Variants in ZMAT4 observed in about 807,000 individuals in gnomAD.
ZMAT4 encodes zinc finger matrin-type protein 4.
ZMAT4 carries 17 observed loss-of-function variants against 28.7 expected under a neutral mutation model. The ratio of observed to expected loss-of-function variants is 0.59; its 90% confidence interval spans 0.41 to 0.89. The LOEUF (loss-of-function observed/expected upper bound fraction) is 0.89, where lower values mean the gene tolerates loss of function less well. Among genes scored for constraint, ZMAT4 ranks in the 40% least tolerant of loss-of-function variants. The pLI, the probability that ZMAT4 is intolerant of heterozygous loss-of-function variation, is 0.00. For synonymous variants in ZMAT4, 117 were observed against 109.2 expected (o/e 1.07, Z -0.44); for missense variants, 240 against 283.8 (o/e 0.85, Z 1.11).
At chr8:40,763,453 T>C (rs1397804773) in intron 3 of ZMAT4, among the ~76,000 whole-genome samples, 1 of 152,142 alleles carries the variant, frequency 6.6e-6, no homozygotes, top group Non-Finnish European at 1.5e-5. Context: ...GAAAGATCAC[T>C]CATATATATA....
chr8:40,583,918 GA>G (rs957974111), intron 5 of ZMAT4, among the ~76,000 whole-genome samples: 2 of 152,136 alleles, frequency 1.3e-5, no homozygotes, highest in African/African-American at 4.8e-5. Context: ...TAGGGTAGAG[GA>G]AACAATCATA....
chr8:40,567,611 A>T (rs1244174521), intron 6 of ZMAT4, among the ~76,000 whole-genome samples: 1 of 151,830 alleles, frequency 6.6e-6, no homozygotes, highest in African/African-American at 2.4e-5. Context: ...AGGCAGGGGA[A>T]TCACTTGAAC....
chr8:40,864,488 A>C (rs1300741220), intron 1 of ZMAT4, among the ~76,000 whole-genome samples: 1 of 152,200 alleles, frequency 6.6e-6, no homozygotes, highest in African/African-American at 2.4e-5. Flanking sequence ...TAGGTGGGAA[A>C]AGATGATTCT....
chr8:40,881,437 A>AGAAAGAAAGAAAGAG (rs1563263259), intron 1 of ZMAT4, among the ~76,000 whole-genome samples: 4 of 50,062 alleles, frequency 8.0e-5, no homozygotes, highest in African/African-American at 3.1e-4. Context: ...GAAAGAGAGA[A>AGAAAGAAAGAAAGAG]AGAAAGAAAG....
intron 5 of ZMAT4, among the ~76,000 whole-genome samples, chr8:40,584,693 A>G (rs946866550): frequency 2.0e-5 from 3 of 152,018 alleles, no homozygotes; most frequent in African/African-American, 7.2e-5. Context: ...AGTGCGAGTG[A>G]CATGATGTCA....
intron 5 of ZMAT4, among the ~76,000 whole-genome samples, chr8:40,603,322 C>T (rs1206960829): frequency 1.3e-5 from 2 of 152,016 alleles, no homozygotes; most frequent in Admixed American, 1.3e-4. Flanking sequence ...TTTTGGTGAC[C>T]ATAGTCTTAT....
At chr8:40,876,894 T>A (rs1186500024) in intron 1 of ZMAT4, among the ~76,000 whole-genome samples, 2 of 152,162 alleles carry the variant, frequency 1.3e-5, no homozygotes, top group Non-Finnish European at 2.9e-5. Flanking sequence ...TTAAGGAAAG[T>A]TATTCCCAGA....
At chr8:40,685,062 T>G (rs987427913) in intron 4 of ZMAT4, among the ~76,000 whole-genome samples, 1 of 152,196 alleles carries the variant, frequency 6.6e-6, no homozygotes, top group Non-Finnish European at 1.5e-5. Context: ...ATGCATATAT[T>G]TTGCATGTAT....
chr8:40,827,698 G>A (rs1816119256), intron 1 of ZMAT4, among the ~76,000 whole-genome samples: 1 of 152,178 alleles, frequency 6.6e-6, no homozygotes, highest in Admixed American at 6.5e-5. Context: ...GTGTCTCATG[G>A]TTGATATGGG....
chr8:40,897,507 G>A (rs1818918219), intron 1 of ZMAT4, among the ~76,000 whole-genome samples, 176 bp downstream of exon 1: 1 of 152,224 alleles, frequency 6.6e-6, no homozygotes, highest in Admixed American at 6.5e-5. Flanking sequence ...TGCCAGCGCA[G>A]AAGTTTCCCA....
chr8:40,747,197 G>A (rs183459131), intron 3 of ZMAT4, among the ~76,000 whole-genome samples: 10 of 152,320 alleles, frequency 6.6e-5, no homozygotes, highest in Non-Finnish European at 1.3e-4. Flanking sequence ...CCACTGATCC[G>A]TTTGGTTTAT....
intron 2 of ZMAT4, among the ~76,000 whole-genome samples, chr8:40,813,936 G>A (rs1314199377): frequency 1.3e-5 from 2 of 152,118 alleles, no homozygotes; most frequent in Non-Finnish European, 2.9e-5. Context: ...AACTTTAAAA[G>A]GACTCTAAAA....
chr8:40,608,752 C>T (rs977272129), intron 5 of ZMAT4, among the ~76,000 whole-genome samples: 2 of 152,178 alleles, frequency 1.3e-5, no homozygotes, highest in African/African-American at 2.4e-5. Flanking sequence ...GTGCCCACAG[C>T]GTTCTTTCTG....
At chr8:40,755,312 A>G (rs1030801811) in intron 3 of ZMAT4, among the ~76,000 whole-genome samples, 5 of 152,186 alleles carry the variant, frequency 3.3e-5, no homozygotes, top group Non-Finnish European at 5.9e-5. Context: ...TAAATATCTT[A>G]GGCCTTCTGG....
rs184942038 is a variant in ZMAT4, at chr8:40,632,268, A to C, written c.577+42436T>G. Among the ~76,000 whole-genome samples the C allele has an allele frequency of 1.8e-4, 27 of 152,366 alleles. No individual in the cohort carries two copies. In the East Asian group the frequency reaches 5.2e-3, roughly 29 times the overall value. Reference sequence around the variant, plus strand: ...TAGAACTTTTTCAGGAGCAAAGGGCAAGAAAATGTTTTTAAAAAGGGGAAT... The same window carrying C: ...TAGAACTTTTTCAGGAGCAAAGGGCCAGAAAATGTTTTTAAAAAGGGGAAT... On this transcript the variant is annotated intron_variant, in intron 5 of 6. Transcript: ENST00000297737.
chr8:40,880,237 C>T (rs1818174262), intron 1 of ZMAT4, among the ~76,000 whole-genome samples: 1 of 151,776 alleles, frequency 6.6e-6, no homozygotes, highest in Non-Finnish European at 1.5e-5. Flanking sequence ...AGCGTCGTGG[C>T]ACATGCCTGT....
At chr8:40,741,363 C>T (rs181652532) in intron 3 of ZMAT4, among the ~76,000 whole-genome samples, 8 of 151,212 alleles carry the variant, frequency 5.3e-5, no homozygotes, top group African/African-American at 1.9e-4. Context: ...AGGAGAATCG[C>T]TTGAACCTAG....
chr8:40,820,211 T>C (rs1234132041), intron 2 of ZMAT4, among the ~76,000 whole-genome samples: 1 of 151,654 alleles, frequency 6.6e-6, no homozygotes, highest in African/African-American at 2.4e-5. Flanking sequence ...TGTGTGTTTA[T>C]GTGTGCATTT....
intron 3 of ZMAT4, among the ~76,000 whole-genome samples, chr8:40,697,758 A>T (rs1456280790): frequency 7.8e-6 from 1 of 127,722 alleles, no homozygotes; most frequent in Non-Finnish European, 1.6e-5. Context: ...TTTCTTCATG[A>T]TAATCATCAT....
Sources: gnomAD v4.1 joint callset for allele counts (sites outside exome capture counted in the v4.1 genomes callset) on GRCh38, gnomAD v4.1.1 for gene constraint, MANE v1.5 for transcripts, NCBI Gene and HGNC (gene_info 2026-07-23, HGNC 2026-07-21) for gene names.